LAMA4: variants seen among roughly 807,000 people sequenced by gnomAD.
The protein encoded by LAMA4 is laminin subunit alpha-4.
LAMA4 carries 127 observed loss-of-function variants against 207.1 expected under a neutral mutation model. The observed-to-expected ratio is 0.61, with a 90% confidence interval of 0.53 to 0.71. The LOEUF is 0.71. LAMA4 is among the 30% of genes least tolerant of loss of function. The pLI is 0.00. For missense variants in LAMA4, 2,093 were observed against 2,246.5 expected (o/e 0.93, Z 1.38); for synonymous variants, 761 against 816.0 (o/e 0.93, Z 1.15).
chr6:112,196,304 C>T (rs1459524803), intron 5 of LAMA4: 4 of 150,724 alleles, frequency 2.7e-5, no homozygotes, highest in African/African-American at 9.9e-5. Flanking sequence ...TGTCCGTTAA[C>T]CAGCATTTCC....
chr6:112,222,175 G>A lies in LAMA4; in HGVS notation c.196-5706C>T, dbSNP rs139314614. ...CTTGAATCTGAAGACAATTACTCACGCATCCTCCCTTGGGTATCTCTAAGC... is the reference window on the plus strand; with the variant it reads ...CTTGAATCTGAAGACAATTACTCACACATCCTCCCTTGGGTATCTCTAAGC... On this transcript the variant is annotated intron_variant, in intron 2 of 38. Coordinates refer to ENST00000230538, the MANE Select transcript of LAMA4 (RefSeq NM_001105206.3). Among the ~76,000 whole-genome samples, 612 of 152,272 alleles carry A rather than the reference G, an allele frequency of 4.0e-3. 8 individuals are homozygous for A. Among genetic ancestry groups the A allele is most frequent in the African/African-American group, 0.013 (537 of 41,562 alleles).
At position 112,242,108 on chromosome 6, in the gene LAMA4, T is replaced by G. The variant is rs80173450; in HGVS notation, c.195+11848A>C. Among the ~76,000 whole-genome samples, 297 of 152,198 alleles carry G rather than the reference T, an allele frequency of 2.0e-3. 1 individual carries two copies. The highest frequency in any genetic ancestry group is 3.1e-3 in the Non-Finnish European group (213 of 68,018). ...CTCTACTTCCTTCAAGGACACAGAG[T>G]CTTCAGTGTTTTGGTATCTGGGCTA... On this transcript the variant is annotated intron_variant, in intron 2 of 38. Coordinates refer to ENST00000230538, the MANE Select transcript of LAMA4 (RefSeq NM_001105206.3).
At chr6:112,176,593 C>A (rs1456409941) in intron 10 of LAMA4, among the ~76,000 whole-genome samples, 1 of 152,196 alleles carries the variant, frequency 6.6e-6, no homozygotes, top group East Asian at 1.9e-4. Flanking sequence ...AACATCCACT[C>A]CTCAAGTAAA....
At chr6:112,196,756 A>C (rs1783442525) in intron 5 of LAMA4, among the ~76,000 whole-genome samples, 1 of 152,200 alleles carries the variant, frequency 6.6e-6, no homozygotes, top group African/African-American at 2.4e-5. Context: ...GCAAGGAATG[A>C]CTGACTCCTG....
intron 17 of LAMA4, among the ~76,000 whole-genome samples, chr6:112,148,775 T>C (rs948701254): frequency 2.6e-5 from 4 of 152,082 alleles, no homozygotes; most frequent in Non-Finnish European, 4.4e-5. Flanking sequence ...TGTTAAAAAT[T>C]ACATCTTTAA....
At chr6:112,232,601 A>G (rs1785634583) in intron 2 of LAMA4, among the ~76,000 whole-genome samples, 1 of 152,200 alleles carries the variant, frequency 6.6e-6, no homozygotes, top group Non-Finnish European at 1.5e-5. Flanking sequence ...ATATACCATC[A>G]TTTTGTAGCT....
At chr6:112,172,919 A>T in intron 11 of LAMA4, 115 bp from the exon 12 acceptor site, 1 of 758,526 alleles carries the variant, frequency 1.3e-6, no homozygotes, top group Non-Finnish European at 2.3e-6. Context: ...AGCAATGGAG[A>T]TTGAAGCTAT....
chr6:112,200,552 A>T (rs1783679582), intron 5 of LAMA4, among the ~76,000 whole-genome samples: 1 of 152,224 alleles, frequency 6.6e-6, no homozygotes, highest in South Asian at 2.1e-4. Flanking sequence ...AAAGGATTAT[A>T]AATCATTCTA....
chr6:112,207,628 A>T (rs1426653054), intron 3 of LAMA4, among the ~76,000 whole-genome samples: 3 of 151,438 alleles, frequency 2.0e-5, no homozygotes, highest in Admixed American at 1.3e-4. Flanking sequence ...GTCAGACTGT[A>T]GTATAAATGG....
At chr6:112,142,770 G>A (rs952348039) in intron 19 of LAMA4, among the ~76,000 whole-genome samples, 4 of 152,188 alleles carry the variant, frequency 2.6e-5, no homozygotes, top group Non-Finnish European at 5.9e-5. Flanking sequence ...TACACAGTTG[G>A]GAGGGGTCTG....
At chr6:112,207,739 C>T (rs1209570214) in intron 3 of LAMA4, among the ~76,000 whole-genome samples, 4 of 151,928 alleles carry the variant, frequency 2.6e-5, no homozygotes, top group Non-Finnish European at 5.9e-5. Flanking sequence ...GATTTTCCCA[C>T]TTGTAGTAAA....
chr6:112,112,975 G>C (rs1325238969), intron 38 of LAMA4, among the ~76,000 whole-genome samples: 2 of 152,158 alleles, frequency 1.3e-5, no homozygotes, highest in Non-Finnish European at 2.9e-5. Context: ...AAATCTCATG[G>C]AGAGAGGTAG....
intron 2 of LAMA4, chr6:112,253,261 C>T: frequency 5.8e-6 from 1 of 171,988 alleles, no homozygotes; most frequent in South Asian, 1.5e-4. Flanking sequence ...ATTCATTCTC[C>T]TTTACCAGAC....
chr6:112,157,431 T>A (rs1363614400), intron 14 of LAMA4, among the ~76,000 whole-genome samples: 2 of 152,184 alleles, frequency 1.3e-5, no homozygotes, highest in Non-Finnish European at 2.9e-5. Flanking sequence ...AGCACGTAAA[T>A]CATTGTGTAC....
intron 3 of LAMA4, 78 bp from the exon 4 acceptor site, chr6:112,207,223 A>T: frequency 6.5e-7 from 1 of 1,529,162 alleles, no homozygotes; most frequent in South Asian, 1.1e-5. Flanking sequence ...ATCATGCAAT[A>T]CTTTTTCAAG....
intron 2 of LAMA4, chr6:112,216,794 T>A (rs549618675): frequency 1.1e-5 from 4 of 357,034 alleles, no homozygotes; most frequent in African/African-American, 2.1e-5. Context: ...AAAATGCTAA[T>A]GTTTTCTTCC....
intron 12 of LAMA4, among the ~76,000 whole-genome samples, chr6:112,170,296 A>G (rs1391980506): frequency 6.6e-6 from 1 of 152,196 alleles, no homozygotes; most frequent in African/African-American, 2.4e-5. Context: ...CCTGCAGGCC[A>G]TTGCTTGCCC....
intron 5 of LAMA4, 130 bp from the exon 6 acceptor site, chr6:112,191,980 C>G (rs1330230545): frequency 8.7e-6 from 7 of 804,748 alleles, no homozygotes; most frequent in Non-Finnish European, 1.5e-5. Context: ...TTTGCACTCT[C>G]TCATCTTCTT....
intron 5 of LAMA4, among the ~76,000 whole-genome samples, chr6:112,192,115 T>C (rs1233677876): frequency 3.3e-5 from 5 of 152,198 alleles, no homozygotes; most frequent in African/African-American, 4.8e-5. Flanking sequence ...AACTGGTATA[T>C]CCAGCCAGGG....
Sources: gnomAD v4.1 joint callset for allele counts (sites outside exome capture counted in the v4.1 genomes callset) on GRCh38, gnomAD v4.1.1 for gene constraint, MANE v1.5 for transcripts, NCBI Gene and HGNC (gene_info 2026-07-23, HGNC 2026-07-21) for gene names.